PRKAR2B: variants seen among roughly 807,000 people sequenced by gnomAD.
PRKAR2B encodes the protein cAMP-dependent protein kinase type II-beta regulatory subunit.
A neutral mutation model predicts 49.9 loss-of-function variants in PRKAR2B; 14 were observed. The observed-to-expected ratio is 0.28, with a 90% CI of 0.19 to 0.44. PRKAR2B has a LOEUF of 0.44. Among genes scored for constraint, PRKAR2B ranks in the 20% least tolerant of loss-of-function variants. The probability of loss-of-function intolerance (pLI) is 1.00; values close to 1 mark genes in which losing one functional copy is unlikely to be tolerated. For synonymous variants in PRKAR2B, 196 were observed against 197.7 expected, an observed-to-expected ratio of 0.99 and a Z score of 0.07; for missense variants, 393 against 537.9, an observed-to-expected ratio of 0.73 and a Z score of 2.67.
chr7:107,125,706 G>T (rs1459818193), intron 3 of PRKAR2B, among the ~76,000 whole-genome samples: 1 of 152,146 alleles, frequency 6.6e-6, no homozygotes, highest in Non-Finnish European at 1.5e-5. Context: ...GTGCTGAGGA[G>T]TAATGGCAGG....
At chr7:107,104,756 A>G (rs1035436532) in intron 2 of PRKAR2B, among the ~76,000 whole-genome samples, 1 of 152,198 alleles carries the variant, frequency 6.6e-6, no homozygotes, top group African/African-American at 2.4e-5. Flanking sequence ...AAGCAAAAGT[A>G]TACTGGAAAT....
At chr7:107,064,630 A>G (rs1264749865) in intron 1 of PRKAR2B, among the ~76,000 whole-genome samples, 2 of 152,180 alleles carry the variant, frequency 1.3e-5, no homozygotes, top group African/African-American at 4.8e-5. Context: ...CTTGGAGGGT[A>G]CCCGCCAACT....
intron 2 of PRKAR2B, among the ~76,000 whole-genome samples, chr7:107,107,321 A>G (rs1376279188): frequency 6.6e-6 from 1 of 151,940 alleles, no homozygotes. Context: ...TGGGCGACAG[A>G]GTGAGACTCC....
chr7:107,144,368 G>C (rs1795849580), intron 5 of PRKAR2B, among the ~76,000 whole-genome samples: 1 of 152,086 alleles, frequency 6.6e-6, no homozygotes. Context: ...TTACAGGCGT[G>C]AACCACTGTG....
rs771613616 is a variant in PRKAR2B, at chr7:107,115,288, C to T, written c.344-6664C>T. On this transcript the variant is annotated intron_variant, in intron 2 of 10. Coordinates refer to ENST00000265717, the MANE Select transcript of PRKAR2B (RefSeq NM_002736.3). ...AGGGTTATACAGTTAAGTATCTTGG[C>T]TAAAATCTTTATAGTAAAATTTTGC... Among the ~76,000 whole-genome samples the T allele has an allele frequency of 9.2e-5, 14 of 152,154 alleles. No individual in the cohort carries two copies. The Middle Eastern group carries it at 0.01, about 111-fold the overall frequency.
At chr7:107,059,716 G>GTGTGTGTGTA (rs1258346505) in intron 1 of PRKAR2B, among the ~76,000 whole-genome samples, 53 of 152,026 alleles carry the variant, frequency 3.5e-4, no homozygotes, top group African/African-American at 1.2e-3. Flanking sequence ...GTGTGTGTGT[G>GTGTGTGTGTA]TGTATGTGTG....
At chr7:107,118,899 G>GC (rs1272588554) in intron 2 of PRKAR2B, among the ~76,000 whole-genome samples, 2 of 152,160 alleles carry the variant, frequency 1.3e-5, no homozygotes, top group African/African-American at 4.8e-5. Flanking sequence ...GGGGGTAGAT[G>GC]AATTCTAATG....
chr7:107,085,818 G>A (rs924412376), intron 2 of PRKAR2B, among the ~76,000 whole-genome samples: 2 of 152,114 alleles, frequency 1.3e-5, no homozygotes, highest in Admixed American at 1.3e-4. Flanking sequence ...TTATATGTGT[G>A]TATTGAAATG....
chr7:107,048,622 G>A (rs946694252), intron 1 of PRKAR2B, among the ~76,000 whole-genome samples: 3 of 152,190 alleles, frequency 2.0e-5, no homozygotes, highest in African/African-American at 7.2e-5. Flanking sequence ...CCAGGCACCT[G>A]CAGTTAGCTG....
chr7:107,138,602 C>T (rs1196007846), intron 4 of PRKAR2B, among the ~76,000 whole-genome samples: 1 of 151,602 alleles, frequency 6.6e-6, no homozygotes, highest in African/African-American at 2.4e-5. Context: ...GGCTGGAGTG[C>T]AGTGGTGTGA....
chr7:107,153,729 T>A (rs1796029421), intron 8 of PRKAR2B, among the ~76,000 whole-genome samples: 1 of 152,214 alleles, frequency 6.6e-6, no homozygotes. Context: ...AATACTTTTC[T>A]AAGATCCCAG....
intron 7 of PRKAR2B, 128 bp downstream of exon 7, chr7:107,151,151 TA>T (rs1022046770): frequency 1.9e-6 from 1 of 525,800 alleles, no homozygotes; most frequent in Admixed American, 4.2e-5. Context: ...TTGAAAAGAT[TA>T]AATGGTAGTG....
chr7:107,122,454 C>A (rs1251813774), intron 3 of PRKAR2B, among the ~76,000 whole-genome samples: 2 of 152,194 alleles, frequency 1.3e-5, no homozygotes, highest in African/African-American at 4.8e-5. Flanking sequence ...GTTTGCTCAG[C>A]AGCTGACTTC....
chr7:107,135,523 G>A (rs1051866987), intron 4 of PRKAR2B, among the ~76,000 whole-genome samples: 3 of 152,090 alleles, frequency 2.0e-5, no homozygotes, highest in Non-Finnish European at 4.4e-5. Context: ...TTATAACAAG[G>A]TTGCAGGATA....
chr7:107,095,633 G>A (rs1332686862), intron 2 of PRKAR2B, among the ~76,000 whole-genome samples: 1 of 152,190 alleles, frequency 6.6e-6, no homozygotes, highest in East Asian at 1.9e-4. Context: ...GATATTGACT[G>A]TGGGTTTGTC....
intron 3 of PRKAR2B, among the ~76,000 whole-genome samples, chr7:107,125,375 A>C (rs1270129315): frequency 6.6e-6 from 1 of 152,240 alleles, no homozygotes; most frequent in Non-Finnish European, 1.5e-5. Flanking sequence ...AGTACCTGGC[A>C]TGTATTTATG....
chr7:107,050,113 A>T (rs1361530906), intron 1 of PRKAR2B, among the ~76,000 whole-genome samples: 2 of 152,112 alleles, frequency 1.3e-5, no homozygotes, highest in Admixed American at 6.5e-5. Context: ...TGGGCTTTGG[A>T]AGAAGGGTGG....
rs562566720 is a variant in PRKAR2B, at chr7:107,085,992, A to G, written c.343+15676A>G. On this transcript the variant is annotated intron_variant, in intron 2 of 10. Transcript: ENST00000265717. ...TTGTCAAATTGCCCTCTAAAACAGT[A>G]TGCTGATTCATATTCCAATCTTAGG... Among the ~76,000 whole-genome samples the G allele has an allele frequency of 1.6e-3, 243 of 152,336 alleles. 1 individual carries two copies. The highest frequency in any genetic ancestry group is 5.6e-3 in the African/African-American group (233 of 41,592).
chr7:107,076,363 A>G (rs1461851776), intron 2 of PRKAR2B, among the ~76,000 whole-genome samples: 3 of 152,118 alleles, frequency 2.0e-5, no homozygotes, highest in Admixed American at 2.0e-4. Flanking sequence ...AGCTAATTCA[A>G]GGATTTTTTA....
Sources: allele counts gnomAD v4.1 joint callset (sites outside exome capture counted in the v4.1 genomes callset), GRCh38; gene constraint gnomAD v4.1.1; transcripts MANE v1.5; gene names NCBI Gene and HGNC (gene_info 2026-07-23, HGNC 2026-07-21).